PLCL1: variants seen among roughly 807,000 people sequenced by gnomAD.
PLCL1 encodes inactive phospholipase C-like protein 1.
PLCL1 carries 41 observed loss-of-function variants against 84.4 expected under a neutral mutation model. That is an observed-to-expected ratio of 0.49 (90% CI 0.38 to 0.63). The LOEUF (loss-of-function observed/expected upper bound fraction) is 0.63, where lower values mean the gene tolerates loss of function less well. PLCL1 is among the 30% of genes least tolerant of loss of function. The pLI is 0.00. For missense variants in PLCL1, 1,206 were observed against 1,367.8 expected, an observed-to-expected ratio of 0.88 and a Z score of 1.87; for synonymous variants, 490 against 488.3, an observed-to-expected ratio of 1.00 and a Z score of -0.05.
chr2:197,906,341 T>G (rs2105741875), intron 1 of PLCL1, among the ~76,000 whole-genome samples: 1 of 152,252 alleles, frequency 6.6e-6, no homozygotes, highest in Non-Finnish European at 1.5e-5. Context: ...CTTTTTTTTT[T>G]TGTCAGGTTT....
chr2:197,864,680 C>A (rs2105697574), intron 1 of PLCL1, among the ~76,000 whole-genome samples: 1 of 152,038 alleles, frequency 6.6e-6, no homozygotes, highest in African/African-American at 2.4e-5. Flanking sequence ...CACCATGTTG[C>A]CCCGGCTGGC....
rs1369678298 is a variant in PLCL1 at position 197,918,969 on chromosome 2, C to CTCT, written c.240+113630_240+113631insTCT. Reference sequence around the variant, plus strand: ...CTCTCTCTCTCTCTCTCTCTCTCTCCCTCACACACACACATACACACACAA... The same window carrying CTCT: ...CTCTCTCTCTCTCTCTCTCTCTCTCCTCTCTCACACACACACATACACACACAA... On this transcript the variant is annotated intron_variant, in intron 1 of 5. Transcript: ENST00000428675. 2.3e-3 allele frequency among the ~76,000 whole-genome samples: 342 copies of CTCT among 146,962 alleles called. 2 individuals are homozygous for CTCT. The highest frequency in any genetic ancestry group is 8.1e-3 in the African/African-American group (319 of 39,520).
chr2:198,146,894 G>T lies in PLCL1; in HGVS notation c.3220G>T (p.Ala1074Ser), dbSNP rs756179375. Residue 1074 changes from alanine to serine, a missense_variant, in exon 6 of 6, where the codon GCC becomes TCC. Ala to Ser is a moderately conservative substitution (Grantham distance 99). Coordinates refer to ENST00000428675, the MANE Select transcript of PLCL1 (RefSeq NM_006226.4). ...TAAAGCCCCCAGCAGCAGTGCTGAG[G>T]CCAAGAGCAAGCGCAGCCTGGAAGC... ...LSKAPSSSAE[A>S]KSKRSLEAIE... The T allele has an allele frequency of 6.2e-7, 1 of 1,613,428 alleles. No individual in the cohort carries two copies. Among genetic ancestry groups the T allele is most frequent in the South Asian group, 1.1e-5 (1 of 91,006 alleles).
intron 1 of PLCL1, among the ~76,000 whole-genome samples, chr2:197,960,753 A>G (rs1689602516): frequency 1.3e-5 from 2 of 152,076 alleles, no homozygotes; most frequent in South Asian, 4.1e-4. Flanking sequence ...TGGGGGGACA[A>G]AACAGATACA....
chr2:197,956,009 C>G (rs908980156), intron 1 of PLCL1, among the ~76,000 whole-genome samples: 1 of 151,708 alleles, frequency 6.6e-6, no homozygotes, highest in Non-Finnish European at 1.5e-5. Flanking sequence ...TGTGATGTTC[C>G]CCTCCCTGTG....
chr2:198,124,510 T>A (rs1693942566), intron 5 of PLCL1, among the ~76,000 whole-genome samples: 2 of 151,980 alleles, frequency 1.3e-5, no homozygotes, highest in Admixed American at 1.3e-4. Flanking sequence ...AATTAAGAAG[T>A]TGGAAGATGA....
chr2:197,992,461 TG>T (rs572513893), intron 1 of PLCL1, among the ~76,000 whole-genome samples: 2 of 151,898 alleles, frequency 1.3e-5, no homozygotes, highest in Non-Finnish European at 2.9e-5. Context: ...GACAGGGTTT[TG>T]CCATGTTGCC....
intron 5 of PLCL1, among the ~76,000 whole-genome samples, chr2:198,122,468 C>A (rs1465667653): frequency 3.3e-5 from 5 of 152,062 alleles, no homozygotes; most frequent in Non-Finnish European, 1.5e-5. Flanking sequence ...AAGAACTCAT[C>A]ATATATCTAG....
At chr2:197,923,214 C>T (rs1400913689) in intron 1 of PLCL1, among the ~76,000 whole-genome samples, 1 of 149,232 alleles carries the variant, frequency 6.7e-6, no homozygotes, top group Non-Finnish European at 1.5e-5. Context: ...GGGCTGACCC[C>T]CCACCTCCCT....
chr2:198,066,590 A>G (rs1418070060), intron 1 of PLCL1, among the ~76,000 whole-genome samples: 1 of 152,120 alleles, frequency 6.6e-6, no homozygotes, highest in Non-Finnish European at 1.5e-5. Context: ...AGCTAGATAT[A>G]TTTTTTCTTT....
intron 1 of PLCL1, among the ~76,000 whole-genome samples, chr2:197,904,244 T>G (rs1688332036): frequency 6.6e-6 from 1 of 152,242 alleles, no homozygotes; most frequent in Admixed American, 6.5e-5. Flanking sequence ...TACTGTTTCC[T>G]TTGGAGTTCT....
chr2:198,102,502 C>G (rs916758667), intron 4 of PLCL1, among the ~76,000 whole-genome samples: 16 of 152,024 alleles, frequency 1.1e-4, no homozygotes, highest in African/African-American at 3.6e-4. Context: ...AAAACTAGAA[C>G]AAGGAGAATG....
intron 5 of PLCL1, among the ~76,000 whole-genome samples, chr2:198,114,289 T>A (rs971649422): frequency 6.6e-6 from 1 of 151,772 alleles, no homozygotes. Flanking sequence ...GCTGTTGACA[T>A]GATTATGGAA....
chr2:198,131,459 A>G (rs1013237422), intron 5 of PLCL1, among the ~76,000 whole-genome samples: 1 of 152,204 alleles, frequency 6.6e-6, no homozygotes, highest in Non-Finnish European at 1.5e-5. Context: ...TTAACATAGC[A>G]ATTTTAACCT....
intron 1 of PLCL1, among the ~76,000 whole-genome samples, chr2:198,044,018 T>C (rs1290029078): frequency 2.0e-5 from 3 of 152,116 alleles, no homozygotes; most frequent in African/African-American, 7.2e-5. Flanking sequence ...TCACTCTTTT[T>C]AAAACTATCT....
chr2:198,118,933 A>G, intron 5 of PLCL1, among the ~76,000 whole-genome samples: 1 of 152,038 alleles, frequency 6.6e-6, no homozygotes, highest in East Asian at 1.9e-4. Context: ...TAAGGTTTAC[A>G]TTTAGGATAA....
rs146702244 is a variant in PLCL1 at position 198,006,838 on chromosome 2, C to T, written c.241-76920C>T. Among the ~76,000 whole-genome samples the T allele has an allele frequency of 6.2e-4, 95 of 152,304 alleles. 3 individuals carry two copies. The South Asian group carries it at 0.014, about 22-fold the overall frequency. On this transcript the variant is annotated intron_variant, in intron 1 of 5. Transcript: ENST00000428675. ...CCCTGTGGAATGATTGTTGATCTGCCTTCTAGAAACTGAGCTGTGCCCAAA... is the reference window on the plus strand; with the variant it reads ...CCCTGTGGAATGATTGTTGATCTGCTTTCTAGAAACTGAGCTGTGCCCAAA...
intron 1 of PLCL1, among the ~76,000 whole-genome samples, chr2:197,867,123 G>A (rs1341329158): frequency 6.6e-6 from 1 of 152,146 alleles, no homozygotes; most frequent in East Asian, 1.9e-4. Context: ...AGCCTTCCTT[G>A]TCCAATGTCA....
At chr2:198,029,671 T>TTCTTC (rs144333286) in intron 1 of PLCL1, among the ~76,000 whole-genome samples, 6 of 150,418 alleles carry the variant, frequency 4.0e-5, no homozygotes, top group African/African-American at 1.5e-4. Flanking sequence ...TCTTCCTTCC[T>TTCTTC]TCTTCTCTTC....
Sources: allele counts gnomAD v4.1 joint callset (sites outside exome capture counted in the v4.1 genomes callset), GRCh38; gene constraint gnomAD v4.1.1; transcripts MANE v1.5; gene names NCBI Gene and HGNC (gene_info 2026-07-23, HGNC 2026-07-21).